The following RASA3 variants were observed in gnomAD, a reference collection of about 807,000 sequenced individuals.
RASA3 encodes ras GTPase-activating protein 3.
RASA3 carries 73 observed loss-of-function variants against 110.0 expected under a neutral mutation model. The observed-to-expected ratio is 0.66, with a 90% CI of 0.55 to 0.81. RASA3 has a LOEUF of 0.81. Among genes scored for constraint, RASA3 ranks in the 30% least tolerant of loss-of-function variants. The pLI is 0.00. For missense variants in RASA3, 976 were observed against 1,113.2 expected, an observed-to-expected ratio of 0.88 and a Z score of 1.75; for synonymous variants, 500 against 451.4, an observed-to-expected ratio of 1.11 and a Z score of -1.37.
At chr13:114,079,057 C>T (rs2079738768) in intron 1 of RASA3, among the ~76,000 whole-genome samples, 1 of 152,262 alleles carries the variant, frequency 6.6e-6, no homozygotes, top group African/African-American at 2.4e-5. Flanking sequence ...CGCTCAGCAG[C>T]TCAGCTCAGC....
chr13:114,073,953 T>C, intron 1 of RASA3, 116 bp from the exon 2 acceptor site: 1 of 917,834 alleles, frequency 1.1e-6, no homozygotes, highest in Middle Eastern at 2.5e-4. Flanking sequence ...CTATAAAGCC[T>C]TGGTTTTTTT....
chr13:114,000,186 GGTC>G (rs2053361817), intron 19 of RASA3, among the ~76,000 whole-genome samples: 1 of 150,724 alleles, frequency 6.6e-6, no homozygotes, highest in African/African-American at 2.4e-5. Context: ...GCCAGCTGGG[GGTC>G]TCTGCTGGGG....
chr13:113,990,764 G>C (rs1273003724), intron 22 of RASA3, among the ~76,000 whole-genome samples: 1 of 152,240 alleles, frequency 6.6e-6, no homozygotes, highest in Non-Finnish European at 1.5e-5. Context: ...TGAGCGTGTT[G>C]TGTTCAACTG....
intron 4 of RASA3, among the ~76,000 whole-genome samples, chr13:114,031,797 G>T (rs553901680): frequency 6.6e-6 from 1 of 152,332 alleles, no homozygotes; most frequent in East Asian, 1.9e-4. Context: ...CTCCGGGAAG[G>T]CCAAGGCGTG....
Position 114,014,504 on chromosome 13 carries a change from AG to A in RASA3, c.1405+704del, listed in dbSNP as rs1362130660. Among the ~76,000 whole-genome samples, 1 of 152,168 alleles carries A rather than the reference AG, an allele frequency of 6.6e-6. No individual in the cohort carries two copies. Among genetic ancestry groups the A allele is most frequent in the East Asian group, 1.9e-4 (1 of 5,160 alleles). On this transcript the variant is annotated intron_variant, in intron 14 of 23. Transcript: ENST00000334062. The surrounding 1 kb of genome is among the most constrained non-coding windows in gnomAD (Gnocchi z 4.5). ...CTGTCCCGAGGCCACAGGACACGCA[AG>A]GAAGAGAGGAGCCGGCAGCAAGGCC...
intron 2 of RASA3, among the ~76,000 whole-genome samples, chr13:114,067,851 A>C (rs2079480055): frequency 6.6e-6 from 1 of 152,138 alleles, no homozygotes; most frequent in African/African-American, 2.4e-5. Flanking sequence ...TCAGCTCTAG[A>C]AGATCTATCT....
intron 2 of RASA3, among the ~76,000 whole-genome samples, chr13:114,069,544 GTC>G (rs1310339819): frequency 4.3e-4 from 16 of 37,280 alleles, no homozygotes; most frequent in Admixed American, 8.0e-4. Flanking sequence ...AGACTCAGGG[GTC>G]GGGAGACTCG....
chr13:114,037,586 G>A (rs989521668), intron 4 of RASA3, among the ~76,000 whole-genome samples: 1 of 152,192 alleles, frequency 6.6e-6, no homozygotes, highest in African/African-American at 2.4e-5. Context: ...CTAGAGATGG[G>A]TGGTGGTGAC....
At chr13:114,041,195 C>T in intron 3 of RASA3, 101 bp from the exon 4 acceptor site, 3 of 1,018,414 alleles carry the variant, frequency 2.9e-6, no homozygotes, top group East Asian at 5.0e-5. Flanking sequence ...TTATTTCCAA[C>T]AGTTTAATTC....
chr13:114,053,530 T>C lies in RASA3; in HGVS notation c.174-1375A>G, dbSNP rs2079189172. Among the ~76,000 whole-genome samples the C allele has an allele frequency of 3.9e-5, 6 of 152,352 alleles. No individual in the cohort carries two copies. In the South Asian group the frequency reaches 1.2e-3, roughly 32 times the overall value. ...GTTATTCAAGGAGGAACCATTCTGATAGAAAGCAAAGGAAGGTCAACGTGC... is the reference window on the plus strand; with the variant it reads ...GTTATTCAAGGAGGAACCATTCTGACAGAAAGCAAAGGAAGGTCAACGTGC... On this transcript the variant is annotated intron_variant, in intron 2 of 23. Transcript: ENST00000334062.
chr13:113,994,857 C>T (rs934998599), intron 21 of RASA3, among the ~76,000 whole-genome samples: 5 of 152,138 alleles, frequency 3.3e-5, no homozygotes, highest in Non-Finnish European at 5.9e-5. Flanking sequence ...ACCTGTAGTC[C>T]CAGGTACCTG....
At chr13:113,980,057 G>GTT (rs1005676471) in intron 23 of RASA3, among the ~76,000 whole-genome samples, 2 of 135,858 alleles carry the variant, frequency 1.5e-5, no homozygotes, top group African/African-American at 5.7e-5. Context: ...TGCCTCCTGT[G>GTT]TGCACCTCCT....
At chr13:114,120,550 A>C (rs2080362764) in intron 1 of RASA3, among the ~76,000 whole-genome samples, 1 of 105,378 alleles carries the variant, frequency 9.5e-6, no homozygotes, top group Non-Finnish European at 2.0e-5. Context: ...CCCTCTCTCC[A>C]GCCAGGCGTC....
intron 4 of RASA3, among the ~76,000 whole-genome samples, chr13:114,036,673 G>A (rs769806324): frequency 6.6e-6 from 1 of 152,182 alleles, no homozygotes; most frequent in Non-Finnish European, 1.5e-5. Flanking sequence ...GAGTAGCTGG[G>A]ATTACAGGCA....
rs1555343909 is a variant in RASA3, at chr13:114,112,102, C to CCCG, written c.55+20332_55+20333insCGG. On this transcript the variant is annotated intron_variant, in intron 1 of 23. Transcript: ENST00000334062. This position sits in a 1 kb window ranked among gnomAD's most constrained non-coding sequence, Gnocchi z 4.8. ...CTGGAAACAGCAGCCCCCAGGCACC[C>CCCG]CCCCCAGCAACTGGGACAAGGGCAC... Among the ~76,000 whole-genome samples the CCCG allele has an allele frequency of 6.6e-6, 1 of 151,700 alleles. No homozygotes were observed. Among genetic ancestry groups the CCCG allele is most frequent in the East Asian group, 1.9e-4 (1 of 5,178 alleles).
chr13:114,030,827 CTG>C (rs756212272), intron 4 of RASA3, among the ~76,000 whole-genome samples: 19 of 151,156 alleles, frequency 1.3e-4, no homozygotes, highest in African/African-American at 4.1e-4. Context: ...GTGCATCTGG[CTG>C]TGTGTGTGCA....
chr13:114,069,635 G>A (rs9525369), intron 2 of RASA3, among the ~76,000 whole-genome samples: 684 of 38,068 alleles, frequency 0.018, 42 homozygotes, highest in East Asian at 0.1. Flanking sequence ...CGGGAGACTC[G>A]GGGAGCCGGG....
intron 2 of RASA3, among the ~76,000 whole-genome samples, chr13:114,060,041 G>A (rs192387001): frequency 1.8e-4 from 27 of 152,370 alleles, no homozygotes; most frequent in Admixed American, 1.6e-3. Flanking sequence ...GAGGAGACCC[G>A]CAGGAGGACA....
intron 10 of RASA3, 46 bp downstream of exon 10, chr13:114,018,717 G>A (rs1594332046): frequency 1.2e-6 from 2 of 1,601,078 alleles, no homozygotes; most frequent in South Asian, 2.2e-5. Flanking sequence ...CCCCAGGCAG[G>A]TGGCACCTCC....
Sources: gnomAD v4.1 joint callset for allele counts (sites outside exome capture counted in the v4.1 genomes callset) on GRCh38, gnomAD v4.1.1 for gene constraint, Gnocchi (gnomAD v3.1) non-coding constraint, MANE v1.5 for transcripts, NCBI Gene and HGNC (gene_info 2026-07-23, HGNC 2026-07-21) for gene names.